KCNH1: variants seen among roughly 807,000 people sequenced by gnomAD.
KCNH1 encodes potassium voltage-gated channel subfamily H member 1, also known as voltage-gated delayed rectifier potassium channel KCNH1.
KCNH1 carries 27 observed loss-of-function variants against 69.2 expected under a neutral mutation model. The observed-to-expected ratio is 0.39, with a 90% CI of 0.29 to 0.54. KCNH1 has a LOEUF of 0.54. Ranked by LOEUF, KCNH1 falls within the 20% of genes least tolerant of loss-of-function variation. The pLI is 0.68. For missense variants in KCNH1, 798 were observed against 1,261.6 expected (o/e 0.63, Z 5.57); for synonymous variants, 456 against 487.7 (o/e 0.93, Z 0.86).
chr1:210,730,483 G>C (rs1008655371), intron 10 of KCNH1, among the ~76,000 whole-genome samples: 1 of 152,180 alleles, frequency 6.6e-6, no homozygotes, highest in Admixed American at 6.5e-5. Context: ...CTGAGAGACA[G>C]TTGGATAATA....
chr1:210,730,156 A>C (rs1682709094), intron 10 of KCNH1, among the ~76,000 whole-genome samples: 1 of 152,222 alleles, frequency 6.6e-6, no homozygotes, highest in Non-Finnish European at 1.5e-5. Context: ...TGCTAAGGAC[A>C]GTGCCTGGCC....
intron 7 of KCNH1, among the ~76,000 whole-genome samples, chr1:210,806,836 A>AAAATATATATATATATAT (rs1553346591): frequency 2.3e-5 from 2 of 85,676 alleles, no homozygotes; most frequent in Non-Finnish European, 4.3e-5. Context: ...AAAAAAAAAA[A>AAAATATATATATATATAT]ATATATATAT....
intron 3 of KCNH1, 88 bp from the exon 4 acceptor site, chr1:211,090,778 A>G: frequency 8.6e-7 from 1 of 1,166,050 alleles, no homozygotes; most frequent in Non-Finnish European, 1.2e-6. Context: ...AATAGGTACA[A>G]ATATTAATTC....
intron 6 of KCNH1, among the ~76,000 whole-genome samples, chr1:210,996,971 C>T (rs943889224): frequency 7.9e-5 from 12 of 152,182 alleles, no homozygotes; most frequent in African/African-American, 2.9e-4. Flanking sequence ...AGAAGGAAAA[C>T]TAACAAACAG....
intron 5 of KCNH1, among the ~76,000 whole-genome samples, chr1:211,075,222 A>C (rs1690712596): frequency 6.6e-6 from 1 of 152,216 alleles, no homozygotes; most frequent in African/African-American, 2.4e-5. Flanking sequence ...ACATCATGAC[A>C]AAAAATGATG....
At chr1:210,982,338 T>TATAC (rs980544964) in intron 6 of KCNH1, among the ~76,000 whole-genome samples, 26 of 152,200 alleles carry the variant, frequency 1.7e-4, no homozygotes, top group African/African-American at 4.8e-4. Context: ...GTTACATACG[T>TATAC]ATACATGTGC....
At chr1:210,904,799 A>G (rs900470800) in intron 7 of KCNH1, among the ~76,000 whole-genome samples, 1 of 152,248 alleles carries the variant, frequency 6.6e-6, no homozygotes, top group Non-Finnish European at 1.5e-5. Context: ...CACAGACATT[A>G]TATCTAAGCC....
chr1:210,974,777 T>C (rs1688572917), intron 6 of KCNH1, among the ~76,000 whole-genome samples: 1 of 152,066 alleles, frequency 6.6e-6, no homozygotes, highest in African/African-American at 2.4e-5. Context: ...TTATCCACGA[T>C]GGTCTTGATC....
chr1:210,879,336 T>C (rs1437866742), intron 7 of KCNH1, among the ~76,000 whole-genome samples: 2 of 151,972 alleles, frequency 1.3e-5, no homozygotes, highest in African/African-American at 4.8e-5. Context: ...ATATCTCTCA[T>C]GAATAGAGAC....
chr1:211,102,356 T>C (rs777527311), intron 3 of KCNH1, among the ~76,000 whole-genome samples: 1 of 152,098 alleles, frequency 6.6e-6, no homozygotes, highest in Admixed American at 6.5e-5. Context: ...TTGCTTTGAG[T>C]TGAGTTGTGT....
intron 4 of KCNH1, 141 bp downstream of exon 4, chr1:211,090,421 G>A: frequency 1.5e-6 from 1 of 671,508 alleles, no homozygotes; most frequent in South Asian, 2.4e-5. Context: ...GAATAACACA[G>A]TGCTTTGCTC....
chr1:211,046,630 A>T (rs1402478739), intron 5 of KCNH1, among the ~76,000 whole-genome samples: 1 of 152,200 alleles, frequency 6.6e-6, no homozygotes, highest in East Asian at 1.9e-4. Flanking sequence ...GGTGCAGCCA[A>T]GTGTTAAAAC....
At chr1:210,887,209 A>T (rs779168436) in intron 7 of KCNH1, among the ~76,000 whole-genome samples, 3 of 152,210 alleles carry the variant, frequency 2.0e-5, no homozygotes, top group Non-Finnish European at 2.9e-5. Context: ...CAGCAGAAAC[A>T]TACAAGCTAG....
At chr1:211,047,646 A>T (rs1309806409) in intron 5 of KCNH1, among the ~76,000 whole-genome samples, 1 of 152,218 alleles carries the variant, frequency 6.6e-6, no homozygotes, top group African/African-American at 2.4e-5. Context: ...GATACTATGA[A>T]GATCAAATCA....
chr1:211,015,203 C>T (rs1689471404), intron 6 of KCNH1, among the ~76,000 whole-genome samples: 1 of 152,190 alleles, frequency 6.6e-6, no homozygotes, highest in African/African-American at 2.4e-5. Flanking sequence ...AACTTCTCTA[C>T]CACATTCAGC....
intron 1 of KCNH1, among the ~76,000 whole-genome samples, chr1:211,122,440 C>G (rs191127422): frequency 6.6e-6 from 1 of 152,124 alleles, no homozygotes; most frequent in Non-Finnish European, 1.5e-5. Context: ...GATCTAGAAC[C>G]AGAAATACTA....
intron 1 of KCNH1, among the ~76,000 whole-genome samples, chr1:211,111,806 A>C (rs1691472121): frequency 9.5e-6 from 1 of 104,752 alleles, no homozygotes. Flanking sequence ...TGGCTACTGC[A>C]CCGTCTAGGA....
At chr1:211,069,278 C>A (rs1690590632) in intron 5 of KCNH1, among the ~76,000 whole-genome samples, 1 of 63,244 alleles carries the variant, frequency 1.6e-5, no homozygotes. Flanking sequence ...TAGAACATTC[C>A]TCCCCCACCC....
chr1:210,984,751 T>C (rs1014227594), intron 6 of KCNH1, among the ~76,000 whole-genome samples: 3 of 151,956 alleles, frequency 2.0e-5, no homozygotes, highest in East Asian at 1.9e-4. Context: ...TTCTCTTTTT[T>C]TGTTGTGTCT....
Sources: allele counts gnomAD v4.1 joint callset (sites outside exome capture counted in the v4.1 genomes callset), GRCh38; gene constraint gnomAD v4.1.1; transcripts MANE v1.5; gene names NCBI Gene and HGNC (gene_info 2026-07-23, HGNC 2026-07-21).